C2orf42: variants seen among roughly 807,000 people sequenced by gnomAD.
C2orf42 encodes the protein chromosome 2 open reading frame 42.
A neutral mutation model predicts 58.9 loss-of-function variants in C2orf42; 44 were observed. That is an observed-to-expected ratio of 0.75 (90% confidence interval 0.59 to 0.96). The LOEUF is 0.96. Ranked by LOEUF, C2orf42 falls within the 40% of genes least tolerant of loss-of-function variation. The probability of loss-of-function intolerance (pLI) is 0.00; values close to 1 mark genes in which losing one functional copy is unlikely to be tolerated. For missense variants in C2orf42, 630 were observed against 699.2 expected, an observed-to-expected ratio of 0.90 and a Z score of 1.12; for synonymous variants, 239 against 265.4, an observed-to-expected ratio of 0.90 and a Z score of 0.97.
intron 9 of C2orf42, 54 bp from the exon 10 acceptor site, chr2:70,150,618 C>T (rs1199547846): frequency 2.2e-6 from 3 of 1,346,002 alleles, no homozygotes; most frequent in East Asian, 4.6e-5. Context: ...AATGGGTGTT[C>T]CTAATTGCAA....
chr2:70,175,033 T>C (rs1674092784), intron 5 of C2orf42, among the ~76,000 whole-genome samples: 1 of 152,184 alleles, frequency 6.6e-6, no homozygotes, highest in African/African-American at 2.4e-5. Context: ...GTTTTAGACA[T>C]AATTTAGTTT....
chr2:70,165,412 T>C (rs1673331266), intron 7 of C2orf42, 116 bp downstream of exon 7: 1 of 676,270 alleles, frequency 1.5e-6, no homozygotes, highest in East Asian at 2.6e-5. Context: ...GCTCCAGACA[T>C]GTGAGTAGAA....
intron 5 of C2orf42, among the ~76,000 whole-genome samples, chr2:70,172,697 C>T (rs1673910037): frequency 6.6e-6 from 1 of 151,736 alleles, no homozygotes; most frequent in South Asian, 2.1e-4. Context: ...AAAAAAATAC[C>T]GCCAACAACA....
chr2:70,167,550 G>A (rs1673484567), intron 6 of C2orf42, among the ~76,000 whole-genome samples: 1 of 151,922 alleles, frequency 6.6e-6, no homozygotes, highest in African/African-American at 2.4e-5. Flanking sequence ...AGACCAGCCT[G>A]GCCAACATGG....
intron 1 of C2orf42, among the ~76,000 whole-genome samples, chr2:70,183,329 G>A (rs900402593): frequency 3.9e-5 from 6 of 152,038 alleles, no homozygotes; most frequent in South Asian, 4.1e-4. Flanking sequence ...TCCCAGCTAC[G>A]TTGGAGGCAG....
intron 6 of C2orf42, among the ~76,000 whole-genome samples, chr2:70,166,590 C>T (rs919962200): frequency 2.7e-5 from 4 of 150,842 alleles, no homozygotes; most frequent in African/African-American, 9.8e-5. Flanking sequence ...GCAGGAGAAT[C>T]GCTTGAACCC....
Position 70,181,474 on chromosome 2 carries a change from T to C in C2orf42, c.512A>G (p.Gln171Arg). ...AGGACCTGTGGGTTCCGTGGCCAAC[T>C]GCCAGATGGTCTGTTTGGTTTCCGG... ...ASPETKQTIW[Q>R]LATEPTGPLV... is the part of the protein sequence containing the mutation. The change falls in exon 3 of 10, where the codon CAG becomes CGG. Residue 171 changes from glutamine to arginine, a missense_variant. Gln to Arg is a conservative substitution (Grantham distance 43). Coordinates refer to ENST00000264434, the MANE Select transcript of C2orf42 (RefSeq NM_017880.3). 3 of 1,613,948 alleles carry C rather than the reference T, an allele frequency of 1.9e-6. No individual in the cohort carries two copies. The highest frequency in any genetic ancestry group is 2.2e-5 in the East Asian group (1 of 44,876).
chr2:70,151,852 G>C (rs1287903503), intron 9 of C2orf42, among the ~76,000 whole-genome samples: 1 of 151,788 alleles, frequency 6.6e-6, no homozygotes. Flanking sequence ...TTGCAATCTC[G>C]GTTCACTGCA....
Position 70,191,018 on chromosome 2 carries a change from C to G in C2orf42, c.-327G>C, listed in dbSNP as rs1386841535. 6.6e-6 allele frequency: 1 copy of G among 152,376 alleles called. No individual in the cohort carries two copies. Among genetic ancestry groups the G allele is most frequent in the African/African-American group, 2.4e-5 (1 of 41,472 alleles). The allele number at this position is 152,376 out of a possible 1,614,324, so 9.4% of individuals were successfully genotyped here. A position where few individuals can be genotyped will look rare whatever the true frequency, so the allele number is the denominator to read the frequency against. On this transcript the variant is annotated 5_prime_UTR_variant, in exon 1 of 10. Coordinates refer to ENST00000264434, the MANE Select transcript of C2orf42 (RefSeq NM_017880.3). ...GCGGCCTTTTACAAACGGGGCCAAA[C>G]TGTTCGCTGTAACGACAATCGTTAT...
intron 9 of C2orf42, among the ~76,000 whole-genome samples, chr2:70,158,900 C>CTTTTTT (rs34839050): frequency 1.9e-5 from 2 of 106,288 alleles, no homozygotes; most frequent in Non-Finnish European, 1.8e-5. Flanking sequence ...CCGAGTATTC[C>CTTTTTT]TTTTTTTTTT....
At chr2:70,180,130 A>G (rs1010184526) in intron 3 of C2orf42, among the ~76,000 whole-genome samples, 20 of 151,594 alleles carry the variant, frequency 1.3e-4, no homozygotes, top group Non-Finnish European at 2.2e-4. Context: ...CATCTCTACT[A>G]AAAATACAGA....
chr2:70,175,127 T>C (rs1280921591), intron 5 of C2orf42, among the ~76,000 whole-genome samples: 1 of 152,108 alleles, frequency 6.6e-6, no homozygotes, highest in Non-Finnish European at 1.5e-5. Context: ...TATGTTTTGT[T>C]TGTTTGTTTG....
At position 70,179,513 on chromosome 2, in the gene C2orf42, C is replaced by G. The variant is rs745928657; in HGVS notation, c.934+19G>C. The G allele has an allele frequency of 9.6e-7, 1 of 1,041,572 alleles. No homozygotes were observed. The highest frequency in any genetic ancestry group is 1.4e-5 in the South Asian group (1 of 72,652). The allele number at this position is 1,041,572 out of a possible 1,614,324, so 64.5% of individuals were successfully genotyped here. Reference sequence around the variant, plus strand: ...ATCTCTAAAGACAATACCACCAAACCAACCAACCAGACTCTTACCAGATAC... The same window carrying G: ...ATCTCTAAAGACAATACCACCAAACGAACCAACCAGACTCTTACCAGATAC... On this transcript the variant is annotated intron_variant, in intron 4 of 9. Coordinates refer to ENST00000264434, the MANE Select transcript of C2orf42 (RefSeq NM_017880.3).
chr2:70,169,440 G>T, intron 6 of C2orf42, 117 bp downstream of exon 6: 1 of 466,572 alleles, frequency 2.1e-6, no homozygotes, highest in Non-Finnish European at 3.9e-6. Context: ...CTTTCTTGTG[G>T]CCCAGTGCTC....
chr2:70,184,475 C>G (rs989675767), intron 1 of C2orf42, among the ~76,000 whole-genome samples: 7 of 139,404 alleles, frequency 5.0e-5, no homozygotes, highest in Non-Finnish European at 1.1e-4. Context: ...CTGTGCCTGG[C>G]CCTATTTTTT....
In C2orf42 at chr2:70,179,635, T is replaced by G; in HGVS notation, c.831A>C (p.Lys277Asn). The G allele has an allele frequency of 7.4e-7, 1 of 1,359,858 alleles. No individual in the cohort carries two copies. Among genetic ancestry groups the G allele is most frequent in the Non-Finnish European group, 1.0e-6 (1 of 952,540 alleles). 84.2% of individuals were successfully genotyped at this position (1,359,858 alleles called of 1,614,324 possible). A position where few individuals can be genotyped will look rare whatever the true frequency, so the allele number is the denominator to read the frequency against. The part of the protein sequence containing the change: ...DFLNFDSSGL[K>N]EIIVPQLGCH... ...AACCTAACTGGGGTACAATAATCTCTTTAAGACCTAAAAAAAAGAAGATTT... is the reference window on the plus strand; with the variant it reads ...AACCTAACTGGGGTACAATAATCTCGTTAAGACCTAAAAAAAAGAAGATTT... Residue 277 changes from lysine to asparagine, a missense_variant, in exon 4 of 10, where the codon AAA (lysine) becomes AAC (asparagine). By Grantham distance (94) the Lys-to-Asn change is moderately conservative (BLOSUM62 0). Transcript: ENST00000264434.
At chr2:70,160,873 AT>A in intron 8 of C2orf42, 86 bp from the exon 9 acceptor site, 1 of 803,670 alleles carries the variant, frequency 1.2e-6, no homozygotes, top group Non-Finnish European at 1.9e-6. Flanking sequence ...ATCTTTTATT[AT>A]TCCTTCTTTC....
intron 9 of C2orf42, among the ~76,000 whole-genome samples, chr2:70,153,726 CAAAG>C (rs1392494597): frequency 2.0e-5 from 3 of 148,314 alleles, no homozygotes; most frequent in Admixed American, 6.7e-5. Context: ...CTAGAAGAAT[CAAAG>C]GAAGGGAAAG....
chr2:70,158,210 A>G (rs112688147), intron 9 of C2orf42, among the ~76,000 whole-genome samples: 52 of 151,984 alleles, frequency 3.4e-4, no homozygotes, highest in East Asian at 2.7e-3. Context: ...AAAAAAAAAA[A>G]AAAGAAAGAA....
Sources: gnomAD v4.1 joint callset for allele counts (sites outside exome capture counted in the v4.1 genomes callset) on GRCh38, gnomAD v4.1.1 for gene constraint, MANE v1.5 for transcripts, NCBI Gene and HGNC (gene_info 2026-07-23, HGNC 2026-07-21) for gene names.